CPEB3: variants seen among roughly 807,000 people sequenced by gnomAD.
CPEB3 encodes the protein cytoplasmic polyadenylation element binding protein 3.
A neutral mutation model predicts 67.2 loss-of-function variants in CPEB3; 20 were observed. That is an observed-to-expected ratio of 0.30 (90% CI 0.21 to 0.43). The LOEUF (loss-of-function observed/expected upper bound fraction) is 0.43. CPEB3 is among the 20% of genes least tolerant of loss of function. The pLI, the probability that CPEB3 is intolerant of heterozygous loss-of-function variation, is 1.00. For missense variants in CPEB3, 746 were observed against 968.6 expected (o/e 0.77, Z 3.05); for synonymous variants, 376 against 393.1 (o/e 0.96, Z 0.51).
chr10:92,228,749 T>C (rs1851109966), intron 2 of CPEB3, among the ~76,000 whole-genome samples: 1 of 151,634 alleles, frequency 6.6e-6, no homozygotes, highest in Non-Finnish European at 1.5e-5. Context: ...TGGCTCGCTC[T>C]GTTGCCCAGG....
At chr10:92,054,747 C>G (rs1842050302) in intron 9 of CPEB3, among the ~76,000 whole-genome samples, 1 of 152,092 alleles carries the variant, frequency 6.6e-6, no homozygotes, top group South Asian at 2.1e-4. Context: ...TGGCCTGCTA[C>G]AACATTTTTG....
intron 1 of CPEB3, among the ~76,000 whole-genome samples, chr10:92,241,565 A>G (rs978932971): frequency 2.0e-5 from 3 of 152,204 alleles, no homozygotes; most frequent in Non-Finnish European, 2.9e-5. Context: ...ATTTTCATAC[A>G]TTGTAATTAT....
chr10:92,124,816 CT>C (rs1386674111), intron 6 of CPEB3, among the ~76,000 whole-genome samples: 9 of 152,152 alleles, frequency 5.9e-5, no homozygotes, highest in Non-Finnish European at 1.0e-4. Flanking sequence ...GAAAACTTTC[CT>C]TTCCAAAGCC....
intron 2 of CPEB3, among the ~76,000 whole-genome samples, chr10:92,203,521 TATATATA>T (rs1447249236): frequency 9.0e-6 from 1 of 111,342 alleles, no homozygotes. Flanking sequence ...TATATATATA[TATATATA>T]TTTTTTTTTT....
At chr10:92,238,364 T>C (rs1469581383) in intron 2 of CPEB3, among the ~76,000 whole-genome samples, 2 of 152,160 alleles carry the variant, frequency 1.3e-5, no homozygotes, top group Admixed American at 1.3e-4. Context: ...AGAACAGAAA[T>C]AAGGACACTC....
intron 4 of CPEB3, among the ~76,000 whole-genome samples, chr10:92,167,876 C>A (rs990152966): frequency 6.6e-6 from 1 of 151,860 alleles, no homozygotes; most frequent in African/African-American, 2.4e-5. Context: ...CCACTGCACT[C>A]CAGCCTGGGC....
chr10:92,173,103 C>T (rs1848079006), intron 4 of CPEB3, among the ~76,000 whole-genome samples: 1 of 152,146 alleles, frequency 6.6e-6, no homozygotes, highest in African/African-American at 2.4e-5. Context: ...CAGGGACCAA[C>T]TGTGAATAAA....
At chr10:92,226,751 T>C (rs1185210027) in intron 2 of CPEB3, among the ~76,000 whole-genome samples, 1 of 151,640 alleles carries the variant, frequency 6.6e-6, no homozygotes, top group Non-Finnish European at 1.5e-5. Context: ...CAAAGGCATA[T>C]TGAGGGAGGG....
intron 2 of CPEB3, among the ~76,000 whole-genome samples, chr10:92,205,026 G>C (rs1849713083): frequency 6.6e-6 from 1 of 151,982 alleles, no homozygotes. Context: ...TTTTAGTAGA[G>C]ATGGGGTTTC....
chr10:92,269,332 G>A (rs550583825), intron 1 of CPEB3, among the ~76,000 whole-genome samples: 4 of 152,062 alleles, frequency 2.6e-5, no homozygotes, highest in African/African-American at 9.6e-5. Flanking sequence ...ACTATAGGAA[G>A]TTTTAGTATA....
chr10:92,217,136 A>T (rs2134404834), intron 2 of CPEB3, among the ~76,000 whole-genome samples: 1 of 134,868 alleles, frequency 7.4e-6, no homozygotes, highest in Non-Finnish European at 1.5e-5. Context: ...TGAACCTGGG[A>T]GGCGGAGGTT....
At chr10:92,112,209 A>C (rs959644618) in intron 6 of CPEB3, among the ~76,000 whole-genome samples, 4 of 140,320 alleles carry the variant, frequency 2.9e-5, no homozygotes, top group African/African-American at 1.1e-4. Context: ...CTGTGGTATG[A>C]TCTCGGCTCA....
chr10:92,288,809 C>G (rs1408448212), intron 1 of CPEB3, among the ~76,000 whole-genome samples: 1 of 152,176 alleles, frequency 6.6e-6, no homozygotes, highest in African/African-American at 2.4e-5. Flanking sequence ...TACTAGTGTA[C>G]TTAATCCATA....
chr10:92,186,673 G>C (rs1009199418), intron 3 of CPEB3, among the ~76,000 whole-genome samples: 1 of 152,096 alleles, frequency 6.6e-6, no homozygotes, highest in Admixed American at 6.6e-5. Flanking sequence ...GACCTCAAGC[G>C]ATCTGCCCGC....
chr10:92,200,152 T>A (rs555198597), intron 2 of CPEB3, among the ~76,000 whole-genome samples: 1 of 152,230 alleles, frequency 6.6e-6, no homozygotes, highest in African/African-American at 2.4e-5. Flanking sequence ...GGGAAAATTA[T>A]CAGCATCTAC....
intron 8 of CPEB3, among the ~76,000 whole-genome samples, chr10:92,086,463 T>C (rs1251542180): frequency 1.3e-5 from 2 of 152,230 alleles, no homozygotes; most frequent in African/African-American, 4.8e-5. Flanking sequence ...AGACTGTTAC[T>C]ACTGTTACTG....
chr10:92,236,930 A>AT (rs1851566606), intron 2 of CPEB3, among the ~76,000 whole-genome samples: 1 of 152,244 alleles, frequency 6.6e-6, no homozygotes. Context: ...AGACTCTTTT[A>AT]TTAATAGCTC....
chr10:92,137,418 C>A, intron 6 of CPEB3: 1 of 1,151,486 alleles, frequency 8.7e-7, no homozygotes, highest in African/African-American at 1.6e-5. Context: ...AAATGTTAAG[C>A]CATGGATTCA....
chr10:92,192,264 C>T (rs1222771750), intron 3 of CPEB3, among the ~76,000 whole-genome samples: 3 of 152,100 alleles, frequency 2.0e-5, no homozygotes, highest in Non-Finnish European at 2.9e-5. Context: ...AATTCATGCT[C>T]CTGCCAGACA....
Sources: allele counts gnomAD v4.1 joint callset (sites outside exome capture counted in the v4.1 genomes callset), GRCh38; gene constraint gnomAD v4.1.1; transcripts MANE v1.5; gene names NCBI Gene and HGNC (gene_info 2026-07-23, HGNC 2026-07-21).